Variants in GIGYF2 observed in about 807,000 individuals in gnomAD.
GIGYF2 encodes the protein GRB10 interacting GYF protein 2, also known as GRB10-interacting GYF protein 2.
GIGYF2 carries 25 observed loss-of-function variants against 208.1 expected under a neutral mutation model. The ratio of observed to expected loss-of-function variants is 0.12; its 90% CI spans 0.09 to 0.17. GIGYF2 has a LOEUF of 0.17. GIGYF2 is among the 10% of genes least tolerant of loss of function. GIGYF2 has a pLI of 1.00. For synonymous variants in GIGYF2, 534 were observed against 543.8 expected (o/e 0.98, Z 0.25); for missense variants, 1,302 against 1,579.4 (o/e 0.82, Z 2.98).
At chr2:232,798,059 G>A (rs1700282035) in intron 14 of GIGYF2, among the ~76,000 whole-genome samples, 1 of 148,428 alleles carries the variant, frequency 6.7e-6, no homozygotes, top group Non-Finnish European at 1.5e-5. Context: ...CTCTTTTATA[G>A]CCACCTGAGC....
At chr2:232,761,355 C>G in intron 7 of GIGYF2, 41 bp from the exon 8 acceptor site, 6 of 1,366,982 alleles carry the variant, frequency 4.4e-6, no homozygotes, top group Non-Finnish European at 6.3e-6. Context: ...AAATCTATAT[C>G]ACTGTGAGAC....
intron 22 of GIGYF2, 21 bp from the exon 23 acceptor site, chr2:232,839,828 T>C: frequency 6.2e-7 from 1 of 1,613,770 alleles, no homozygotes; most frequent in Non-Finnish European, 8.5e-7. Flanking sequence ...ATGAACTTTC[T>C]GGCCTTCCCT....
At chr2:232,837,517 C>G (rs1229447683) in intron 22 of GIGYF2, among the ~76,000 whole-genome samples, 1 of 152,226 alleles carries the variant, frequency 6.6e-6, no homozygotes, top group African/African-American at 2.4e-5. Context: ...TGCAGTGACA[C>G]GATCTCAGCT....
intron 23 of GIGYF2, chr2:232,843,037 T>A (rs1701866660): frequency 6.6e-6 from 1 of 152,144 alleles, no homozygotes; most frequent in Non-Finnish European, 1.5e-5. Flanking sequence ...TACTTAGATT[T>A]CAATTTATTA....
intron 28 of GIGYF2, among the ~76,000 whole-genome samples, chr2:232,850,723 T>C (rs1407748408): frequency 6.6e-6 from 1 of 152,222 alleles, no homozygotes; most frequent in Non-Finnish European, 1.5e-5. Flanking sequence ...ATGATGCTAA[T>C]AATGAACGAT....
chr2:232,750,976 C>G (rs1375023474), intron 5 of GIGYF2, among the ~76,000 whole-genome samples: 1 of 151,986 alleles, frequency 6.6e-6, no homozygotes, highest in African/African-American at 2.4e-5. Context: ...AGTACAGGTG[C>G]ATGCCACTGC....
chr2:232,847,413 G>T lies in GIGYF2; in HGVS notation c.3526G>T (p.Ala1176Ser), dbSNP rs1260909643. Residue 1176 changes from alanine to serine, a missense_variant, in exon 27 of 29, where the codon GCC becomes TCC. Physicochemically the swap from Ala to Ser is moderately conservative, Grantham distance 99. Around this residue, in one of 8 missense-constraint regions of GIGYF2, gnomAD observed 701 missense variants for 793.0 expected, o/e 0.88. Coordinates refer to ENST00000373563, the MANE Select transcript of GIGYF2 (RefSeq NM_001103146.3). ...TTATGAGGTCCATGATTATATCAGG[G>T]CCTATTTAGGAGATACTTCTGAGGC... ...SPYEVHDYIR[A>S]YLGDTSEAKE... is the part of the protein sequence containing the mutation. The T allele has an allele frequency of 1.2e-6, 2 of 1,613,436 alleles. No individual in the cohort carries two copies. The highest frequency in any genetic ancestry group is 1.7e-6 in the Non-Finnish European group (2 of 1,179,684).
chr2:232,722,350 G>T (rs1166500936), intron 2 of GIGYF2, among the ~76,000 whole-genome samples: 1 of 152,186 alleles, frequency 6.6e-6, no homozygotes, highest in African/African-American at 2.4e-5. Flanking sequence ...GGAGAGAGAA[G>T]TGCCAACCGA....
In GIGYF2 at chr2:232,811,233, A is replaced by G; in HGVS notation, c.1899-11A>G. ...ATTGACAGGTTATACTTTTTTTTTT[A>G]CTTTTTGAAGACAACAATATGCACA... is the stretch of plus-strand genomic sequence containing the variant. On this transcript the variant is annotated splice_polypyrimidine_tract_variant and intron_variant, in intron 16 of 28. Transcript: ENST00000373563. 6.8e-7 allele frequency: 1 copy of G among 1,474,234 alleles called. No homozygotes were observed. The highest frequency in any genetic ancestry group is 9.5e-7 in the Non-Finnish European group (1 of 1,054,652). 91.3% of individuals were successfully genotyped at this position (1,474,234 alleles called of 1,614,324 possible).
intron 3 of GIGYF2, among the ~76,000 whole-genome samples, chr2:232,746,757 T>C (rs1388125985): frequency 6.6e-6 from 1 of 152,218 alleles, no homozygotes; most frequent in Admixed American, 6.5e-5. Context: ...TTTCAGATTC[T>C]CTACACTGAC....
At chr2:232,706,585 C>T (rs550852087) in intron 2 of GIGYF2, among the ~76,000 whole-genome samples, 20 of 152,112 alleles carry the variant, frequency 1.3e-4, no homozygotes, top group Non-Finnish European at 2.8e-4. Context: ...TGAGACCAGC[C>T]TGACCAACAC....
At chr2:232,825,095 CAAGA>C (rs1338258617) in intron 21 of GIGYF2, among the ~76,000 whole-genome samples, 4 of 152,186 alleles carry the variant, frequency 2.6e-5, no homozygotes, top group Admixed American at 2.6e-4. Context: ...CCTAGTCATC[CAAGA>C]ACTCTGATGG....
rs550280287 is a variant in GIGYF2, at chr2:232,814,504, A to G, written c.2108-1133A>G. Among the ~76,000 whole-genome samples, 6 of 143,806 alleles carry G rather than the reference A, an allele frequency of 4.2e-5. No homozygotes were observed. In the Admixed American group the frequency reaches 4.4e-4, roughly 11 times the overall value. 94.3% of individuals were successfully genotyped at this position (143,806 alleles called of 152,430 possible). On this transcript the variant is annotated intron_variant, in intron 18 of 28. Transcript: ENST00000373563. ...CTTGAACCCTGGAGGCGGAGGTTGC[A>G]GTGAGCCGAGATCACGCCACTGCAC...
chr2:232,812,413 C>A lies in GIGYF2; in HGVS notation c.2029C>A (p.Pro677Thr). Reference sequence around the variant, plus strand: ...CAGAATATCTGATCAGAACATCATTCCCTCAGTAACTAGGTCTGTGTCCGT... The same window carrying A: ...CAGAATATCTGATCAGAACATCATTACCTCAGTAACTAGGTCTGTGTCCGT... ...KMRISDQNIIPSVTRSVSVPD... is the reference protein window; with the variant it reads ...KMRISDQNIITSVTRSVSVPD... Residue 677 changes from proline to threonine, a missense_variant, in exon 18 of 29, where the codon CCC (proline) becomes ACC (threonine). Around this residue, in one of 8 missense-constraint regions of GIGYF2, gnomAD observed 701 missense variants for 793.0 expected, o/e 0.88. Transcript: ENST00000373563. The A allele has an allele frequency of 6.8e-7, 1 of 1,475,426 alleles. No homozygotes were observed. The highest frequency in any genetic ancestry group is 9.5e-7 in the Non-Finnish European group (1 of 1,054,032). The allele number at this position is 1,475,426 out of a possible 1,614,324, so 91.4% of individuals were successfully genotyped here.
intron 2 of GIGYF2, among the ~76,000 whole-genome samples, chr2:232,711,305 G>A (rs6739638): frequency 0.34 from 46,392 of 134,878 alleles, 7,815 homozygotes; most frequent in South Asian, 0.64. Flanking sequence ...TCACCATGTT[G>A]CCCAGGCTTT....
intron 21 of GIGYF2, among the ~76,000 whole-genome samples, chr2:232,825,259 T>A (rs1701213996): frequency 6.6e-6 from 1 of 152,226 alleles, no homozygotes; most frequent in South Asian, 2.1e-4. Flanking sequence ...TAGTGATTCC[T>A]CTGATGGATC....
chr2:232,803,065 C>T (rs1335817601), intron 14 of GIGYF2, among the ~76,000 whole-genome samples: 1 of 151,852 alleles, frequency 6.6e-6, no homozygotes, highest in Admixed American at 6.6e-5. Flanking sequence ...ATGCCCGGCT[C>T]ATTTTAGTAG....
At chr2:232,854,502 A>T (rs1457734141) in intron 28 of GIGYF2, among the ~76,000 whole-genome samples, 1 of 152,090 alleles carries the variant, frequency 6.6e-6, no homozygotes, top group Non-Finnish European at 1.5e-5. Context: ...TTAAAAATAC[A>T]TATATATGTA....
intron 5 of GIGYF2, among the ~76,000 whole-genome samples, chr2:232,755,994 G>A (rs536580907): frequency 1.1e-4 from 16 of 152,250 alleles, no homozygotes; most frequent in African/African-American, 3.4e-4. Context: ...GACATTGGTT[G>A]TCAATTTTGT....
Sources: gnomAD v4.1 joint callset for allele counts (sites outside exome capture counted in the v4.1 genomes callset) on GRCh38, gnomAD v4.1.1 for gene constraint, gnomAD v4.1.1 regional missense constraint, MANE v1.5 for transcripts, NCBI Gene and HGNC (gene_info 2026-07-23, HGNC 2026-07-21) for gene names.